The following FOXP1 variants were observed in gnomAD, a reference collection of about 807,000 sequenced individuals.
FOXP1 encodes the protein forkhead box P1.
In FOXP1, 15 loss-of-function variants were observed where a neutral mutation model predicts 98.2. The ratio of observed to expected loss-of-function variants is 0.15; its 90% CI spans 0.10 to 0.24. The LOEUF (loss-of-function observed/expected upper bound fraction) is 0.24. Ranked by LOEUF, FOXP1 falls within the 10% of genes least tolerant of loss-of-function variation. FOXP1 has a pLI of 1.00. For missense variants in FOXP1, 633 were observed against 848.5 expected (o/e 0.75, Z 3.15); for synonymous variants, 371 against 314.5 (o/e 1.18, Z -1.90).
chr3:71,212,125 T>C (rs150094958), intron 5 of FOXP1, among the ~76,000 whole-genome samples: 35 of 152,288 alleles, frequency 2.3e-4, no homozygotes, highest in Non-Finnish European at 3.2e-4. Flanking sequence ...TAGTACCAAA[T>C]TGAGACTTTC....
chr3:71,143,321 G>A (rs942021671), intron 6 of FOXP1, among the ~76,000 whole-genome samples: 10 of 152,110 alleles, frequency 6.6e-5, no homozygotes, highest in Non-Finnish European at 1.5e-4. Context: ...GATCTTCTTG[G>A]CAGACCATGC....
chr3:71,200,705 T>C (rs2063617620), intron 5 of FOXP1, among the ~76,000 whole-genome samples: 1 of 152,248 alleles, frequency 6.6e-6, no homozygotes, highest in African/African-American at 2.4e-5. Context: ...TGTGTTCCAA[T>C]TGTGGAAGGA....
intron 6 of FOXP1, among the ~76,000 whole-genome samples, chr3:71,146,146 C>G (rs1000977559): frequency 1.3e-5 from 2 of 152,208 alleles, no homozygotes; most frequent in African/African-American, 4.8e-5. Context: ...CTGGGAGAAG[C>G]AGTCCCTTCA....
chr3:71,195,241 A>G (rs1408704830), intron 6 of FOXP1, among the ~76,000 whole-genome samples: 2 of 152,222 alleles, frequency 1.3e-5, no homozygotes, highest in Non-Finnish European at 2.9e-5. Flanking sequence ...CCTATAAACA[A>G]AACTCACTAT....
At chr3:70,979,717 G>T (rs1041212741) in intron 14 of FOXP1, among the ~76,000 whole-genome samples, 1 of 144,630 alleles carries the variant, frequency 6.9e-6, no homozygotes, top group African/African-American at 2.6e-5. Flanking sequence ...CATAATCAAA[G>T]AACTTATTAA....
At chr3:71,010,797 A>C (rs182239713) in intron 12 of FOXP1, among the ~76,000 whole-genome samples, 98 of 152,086 alleles carry the variant, frequency 6.4e-4, no homozygotes, top group Admixed American at 4.0e-3. Context: ...TGAGCAAAGT[A>C]CTTGATGCAT....
rs879334063 is a variant in FOXP1, at chr3:70,957,987, C to T, written c.*1260G>A. 8 of 246,302 alleles carry T rather than the reference C, an allele frequency of 3.2e-5. No individual in the cohort carries two copies. Among genetic ancestry groups the T allele is most frequent in the Non-Finnish European group, 4.7e-5 (6 of 126,356 alleles). 15.3% of individuals were successfully genotyped at this position (246,302 alleles called of 1,614,324 possible). A position where few individuals can be genotyped will look rare whatever the true frequency, so the allele number is the denominator to read the frequency against. On this transcript the variant is annotated 3_prime_UTR_variant, in exon 21 of 21. Coordinates refer to ENST00000649528, the MANE Select transcript of FOXP1 (RefSeq NM_001349338.3). ...TTTCAGGGCAGCTGCTCGGGGAAGC[C>T]GGTTTTTTTTTTTGGCCATTTTGCA...
At chr3:71,433,089 C>T (rs192318414) in intron 3 of FOXP1, among the ~76,000 whole-genome samples, 3 of 152,056 alleles carry the variant, frequency 2.0e-5, no homozygotes, top group African/African-American at 4.8e-5. Flanking sequence ...CTCTTCTCAG[C>T]GATGGGCAAA....
At chr3:71,252,537 A>G (rs1278764755) in intron 5 of FOXP1, among the ~76,000 whole-genome samples, 2 of 144,898 alleles carry the variant, frequency 1.4e-5, no homozygotes, top group Admixed American at 1.4e-4. Flanking sequence ...TAAGAAAACA[A>G]TTCTTAGTCC....
chr3:71,080,118 C>A (rs555163425), intron 7 of FOXP1, among the ~76,000 whole-genome samples: 18 of 152,328 alleles, frequency 1.2e-4, no homozygotes, highest in African/African-American at 4.1e-4. Flanking sequence ...CTTTCTGTTT[C>A]TCTTTTCTGC....
chr3:71,427,483 C>T (rs938170057), intron 3 of FOXP1, among the ~76,000 whole-genome samples: 8 of 152,172 alleles, frequency 5.3e-5, no homozygotes, highest in African/African-American at 1.9e-4. Flanking sequence ...TCACAGAAGG[C>T]CCCGGATGCC....
At chr3:71,271,795 G>C (rs2107304666) in intron 5 of FOXP1, among the ~76,000 whole-genome samples, 1 of 152,314 alleles carries the variant, frequency 6.6e-6, no homozygotes, top group Middle Eastern at 3.4e-3. Context: ...CTTACAGGGA[G>C]AAACTCATAA....
intron 4 of FOXP1, among the ~76,000 whole-genome samples, chr3:71,326,369 G>C (rs1005326761): frequency 6.6e-6 from 1 of 152,058 alleles, no homozygotes; most frequent in Non-Finnish European, 1.5e-5. Context: ...AAAGAGGCTC[G>C]GATGAAAAAT....
intron 4 of FOXP1, among the ~76,000 whole-genome samples, chr3:71,321,681 G>C (rs1344531444): frequency 6.6e-6 from 1 of 151,552 alleles, no homozygotes. Context: ...GAGTGCAGTG[G>C]TGCGATCTCC....
chr3:71,411,552 G>A (rs1039397006), intron 3 of FOXP1, among the ~76,000 whole-genome samples: 1 of 152,090 alleles, frequency 6.6e-6, no homozygotes, highest in African/African-American at 2.4e-5. Context: ...TCGATCTCCT[G>A]ACCTCGTGAT....
At chr3:71,128,913 T>G (rs916929336) in intron 6 of FOXP1, among the ~76,000 whole-genome samples, 1 of 151,936 alleles carries the variant, frequency 6.6e-6, no homozygotes, top group African/African-American at 2.4e-5. Flanking sequence ...AAAAGACACA[T>G]ATAATTTCCT....
At chr3:71,566,708 A>T (rs557392551) in intron 2 of FOXP1, among the ~76,000 whole-genome samples, 1 of 152,164 alleles carries the variant, frequency 6.6e-6, no homozygotes, top group African/African-American at 2.4e-5. Context: ...GGGGAAGTCA[A>T]TGCTGTTCTC....
At chr3:71,012,650 A>C (rs1207741653) in intron 12 of FOXP1, among the ~76,000 whole-genome samples, 4 of 152,176 alleles carry the variant, frequency 2.6e-5, no homozygotes, top group Admixed American at 2.0e-4. Context: ...AACACAAGGT[A>C]TCTCTCTAAG....
At chr3:71,327,128 A>G (rs1030335144) in intron 4 of FOXP1, among the ~76,000 whole-genome samples, 3 of 152,010 alleles carry the variant, frequency 2.0e-5, no homozygotes, top group African/African-American at 7.2e-5. Context: ...ACAGGGCCAT[A>G]CTGAACAAAA....
Sources: gnomAD v4.1 joint callset for allele counts (sites outside exome capture counted in the v4.1 genomes callset) on GRCh38, gnomAD v4.1.1 for gene constraint, MANE v1.5 for transcripts, NCBI Gene and HGNC (gene_info 2026-07-23, HGNC 2026-07-21) for gene names.